The following ZMAT1 variants were observed in gnomAD, a reference collection of about 807,000 sequenced individuals.
The protein encoded by ZMAT1 is zinc finger matrin-type protein 1.
A neutral mutation model predicts 18.5 loss-of-function variants in ZMAT1; 11 were observed. The observed-to-expected ratio is 0.59, with a 90% CI of 0.37 to 0.98. ZMAT1 has a LOEUF of 0.98. Among genes scored for constraint, ZMAT1 ranks in the 50% least tolerant of loss-of-function variants. The probability of loss-of-function intolerance (pLI) is 0.01; values close to 1 mark genes in which losing one functional copy is unlikely to be tolerated. For synonymous variants in ZMAT1, 211 were observed against 176.4 expected (o/e 1.20, Z -1.55); for missense variants, 525 against 496.2 (o/e 1.06, Z -0.55).
chrX:101,921,342 T>A (rs1335793242), intron 1 of ZMAT1, among the ~76,000 whole-genome samples: 1 of 112,411 alleles, frequency 8.9e-6, no homozygotes, highest in Non-Finnish European at 1.9e-5. Flanking sequence ...AGGGTAAGTA[T>A]AAACCTTCTT....
chrX:101,925,417 T>C (rs936080490), intron 1 of ZMAT1, among the ~76,000 whole-genome samples: 7 of 112,155 alleles, frequency 6.2e-5, no homozygotes, highest in African/African-American at 2.3e-4. Context: ...TCTTTCATAA[T>C]AATTTGTAAT....
chrX:101,928,061 C>T (rs2147689819), intron 1 of ZMAT1, among the ~76,000 whole-genome samples: 1 of 112,209 alleles, frequency 8.9e-6, no homozygotes, highest in African/African-American at 3.2e-5. Flanking sequence ...GTATAATTTG[C>T]TTCACTGTGC....
rs756955948 is a variant in ZMAT1, at chrX:101,911,627, A to G, written c.293-7297T>C. 4 of 1,196,634 alleles carry G rather than the reference A, an allele frequency of 3.3e-6. No homozygotes were observed. The East Asian group carries it at 8.9e-5, about 27-fold the overall frequency. On this transcript the variant is annotated intron_variant, in intron 1 of 5. Transcript: ENST00000651725. ...AGTCACAGCTTGTCCCTCACCAAAC[A>G]TTAGCGAATCCACGCTGGGGAGAAG...
At chrX:101,905,740 A>G (rs928351805) in intron 1 of ZMAT1, among the ~76,000 whole-genome samples, 1 of 111,536 alleles carries the variant, frequency 9.0e-6, no homozygotes, top group African/African-American at 3.3e-5. Flanking sequence ...TTTTGCAGAA[A>G]AGAATGCAGG....
rs1192264472 is a variant in ZMAT1 at position 101,921,586 on chromosome X, C to T, written c.292+10131G>A. Among the ~76,000 whole-genome samples, 12 of 111,781 alleles carry T rather than the reference C, an allele frequency of 1.1e-4. No homozygotes were observed. The Admixed American group carries it at 1.1e-3, about 11-fold the overall frequency. Reference sequence around the variant, plus strand: ...AGTAAAATGGGACCACCTTTTTCACCCTGCTATTAACTAGCTGTGTGACTA... The same window carrying T: ...AGTAAAATGGGACCACCTTTTTCACTCTGCTATTAACTAGCTGTGTGACTA... On this transcript the variant is annotated intron_variant, in intron 1 of 5. Coordinates refer to ENST00000651725, the MANE Select transcript of ZMAT1 (RefSeq NM_001394560.1).
At chrX:101,892,873 G>A (rs1282992330) in intron 4 of ZMAT1, 1 of 212,222 alleles carries the variant, frequency 4.7e-6, no homozygotes, top group Non-Finnish European at 6.9e-6. Context: ...AAGAAAATGG[G>A]TGATGAGTGA....
chrX:101,922,234 T>G (rs980796627), intron 1 of ZMAT1, among the ~76,000 whole-genome samples: 1 of 111,342 alleles, frequency 9.0e-6, no homozygotes, highest in African/African-American at 3.3e-5. Context: ...TCCTCTAAAT[T>G]TGACATGAAT....
chrX:101,911,611 T>C, intron 1 of ZMAT1: 2 of 1,183,839 alleles, frequency 1.7e-6, no homozygotes, highest in Non-Finnish European at 2.3e-6. Context: ...CAGTCACAGC[T>C]TGTCCCTCAC....
intron 1 of ZMAT1, among the ~76,000 whole-genome samples, chrX:101,919,024 CT>C (rs899299446): frequency 1.0e-4 from 11 of 109,960 alleles, no homozygotes; most frequent in East Asian, 5.7e-4. Flanking sequence ...CTTGGTCTCT[CT>C]TTTTTTTTAA....
At chrX:101,919,739 G>A (rs1256207883) in intron 1 of ZMAT1, among the ~76,000 whole-genome samples, 3 of 111,640 alleles carry the variant, frequency 2.7e-5, no homozygotes, top group Non-Finnish European at 5.6e-5. Flanking sequence ...AACAAAAAGA[G>A]TGGAATGAAA....
intron 1 of ZMAT1, among the ~76,000 whole-genome samples, chrX:101,922,024 T>C (rs756675367): frequency 9.2e-6 from 1 of 108,687 alleles, no homozygotes; most frequent in African/African-American, 3.6e-5. Flanking sequence ...AGATCTAATA[T>C]ATACTTATAT....
rs1444453069 is a variant in ZMAT1, at chrX:101,883,596, G to A, written c.2002C>T (p.Arg668Cys). ...SHDVPSEKEE[R>C]KHRKEKKKSV... ...TTCTTTTTCTCTTTCCTGTGCTTACGTTCTTCTTTCTCGGAGGGTACATCA... is the reference window on the plus strand; with the variant it reads ...TTCTTTTTCTCTTTCCTGTGCTTACATTCTTCTTTCTCGGAGGGTACATCA... The change falls in exon 6 of 6, where the codon CGT becomes TGT. Residue 668 changes from arginine to cysteine, a missense_variant. Coordinates refer to ENST00000651725, the MANE Select transcript of ZMAT1 (RefSeq NM_001394560.1). The A allele has an allele frequency of 1.7e-6, 2 of 1,203,497 alleles. No homozygotes were observed. The highest frequency in any genetic ancestry group is 2.3e-4 in the Middle Eastern group (1 of 4,328).
intron 1 of ZMAT1, among the ~76,000 whole-genome samples, chrX:101,909,161 C>A (rs753204022): frequency 1.8e-5 from 2 of 109,803 alleles, no homozygotes; most frequent in Non-Finnish European, 3.8e-5. Flanking sequence ...TCAAGACACA[C>A]CCTGAGCCAG....
chrX:101,914,437 T>C (rs6621244), intron 1 of ZMAT1, among the ~76,000 whole-genome samples: 3,390 of 110,167 alleles, frequency 0.031, 111 homozygotes, highest in African/African-American at 0.094. Context: ...TTCAACAAAA[T>C]TGACAAACCA....
chrX:101,897,785 C>G, intron 4 of ZMAT1, 83 bp downstream of exon 4: 1 of 846,170 alleles, frequency 1.2e-6, no homozygotes, highest in South Asian at 3.0e-5. Flanking sequence ...AAAGTCTCCC[C>G]CACTAAAAAG....
At chrX:101,895,752 C>T (rs1927756893) in intron 4 of ZMAT1, 2 of 616,793 alleles carry the variant, frequency 3.2e-6, no homozygotes, top group South Asian at 8.4e-5. Context: ...AAAATTTGTT[C>T]GGATTATTCA....
At chrX:101,897,544 TAA>T (rs776116456) in intron 4 of ZMAT1, among the ~76,000 whole-genome samples, 6 of 78,882 alleles carry the variant, frequency 7.6e-5, no homozygotes, top group Admixed American at 1.4e-4. Flanking sequence ...AGTGTCTATC[TAA>T]AAAAAAAAAA....
chrX:101,908,535 T>C (rs1477668230), intron 1 of ZMAT1, among the ~76,000 whole-genome samples: 1 of 111,701 alleles, frequency 9.0e-6, no homozygotes, highest in Non-Finnish European at 1.9e-5. Context: ...CCTGAATAGC[T>C]GATGCCACCC....
intron 2 of ZMAT1, among the ~76,000 whole-genome samples, chrX:101,900,244 T>C (rs1928126686): frequency 8.9e-6 from 1 of 111,977 alleles, no homozygotes; most frequent in South Asian, 3.7e-4. Flanking sequence ...TCTCCCACTC[T>C]GTAGGTTGTC....
Sources: allele counts gnomAD v4.1 joint callset (sites outside exome capture counted in the v4.1 genomes callset), GRCh38; gene constraint gnomAD v4.1.1; transcripts MANE v1.5; gene names NCBI Gene and HGNC (gene_info 2026-07-23, HGNC 2026-07-21).